The following TAS2R1 variants were observed in gnomAD, a reference collection of about 807,000 sequenced individuals.
TAS2R1 encodes the protein taste 2 receptor member 1, also known as taste receptor type 2 member 1.
For missense variants in TAS2R1, 370 were observed against 353.4 expected, an observed-to-expected ratio of 1.05 and a Z score of -0.38; for synonymous variants, 141 against 134.2, an observed-to-expected ratio of 1.05 and a Z score of -0.35.
chr5:9,788,422 C>T, the TAS2R1 span, among the ~76,000 whole-genome samples: 1 of 152,138 alleles, frequency 6.6e-6, no homozygotes. Context: ...TAATACAGCT[C>T]CCAGCCACCG....
At chr5:9,734,377 C>T in the TAS2R1 span, among the ~76,000 whole-genome samples, 170 of 152,252 alleles carry the variant, frequency 1.1e-3, no homozygotes, top group African/African-American at 3.9e-3. Flanking sequence ...CTCCCTCTCC[C>T]TTTTTTGGGG....
the TAS2R1 span, among the ~76,000 whole-genome samples, chr5:9,747,881 T>C: frequency 6.6e-6 from 1 of 150,734 alleles, no homozygotes; most frequent in South Asian, 2.1e-4. Flanking sequence ...AGGTTGAAAA[T>C]TCAGGTCAGC....
At chr5:9,886,032 T>G in the TAS2R1 span, among the ~76,000 whole-genome samples, 4 of 151,454 alleles carry the variant, frequency 2.6e-5, no homozygotes, top group African/African-American at 9.7e-5. Flanking sequence ...TTTATATAAT[T>G]CTTTTTTTTT....
intron 1 of TAS2R1, among the ~76,000 whole-genome samples, chr5:9,710,111 C>T (rs1741700392): frequency 6.6e-6 from 1 of 152,280 alleles, no homozygotes; most frequent in Non-Finnish European, 1.5e-5. Context: ...TTCCACAGAA[C>T]ACCCAAGGCC....
intron 2 of TAS2R1, among the ~76,000 whole-genome samples, chr5:9,654,139 A>G (rs994687146): frequency 6.6e-6 from 1 of 152,196 alleles, no homozygotes; most frequent in Non-Finnish European, 1.5e-5. Flanking sequence ...TTTTAAAATT[A>G]CTTTCTATAG....
At chr5:9,716,192 G>A (rs370673183), upstream of TAS2R1, among the ~76,000 whole-genome samples, 11 of 152,262 alleles carry the variant, frequency 7.2e-5, no homozygotes, top group Middle Eastern at 3.4e-3. Context: ...AGGAATGTGC[G>A]CTGGGGAGGA....
At chr5:9,678,905 T>C (rs531078135) in intron 1 of TAS2R1, among the ~76,000 whole-genome samples, 5 of 152,158 alleles carry the variant, frequency 3.3e-5, no homozygotes, top group Non-Finnish European at 7.3e-5. Context: ...AACAAACTTG[T>C]ATATCCTGCA....
intron 1 of TAS2R1, among the ~76,000 whole-genome samples, chr5:9,688,135 T>C (rs1422650842): frequency 6.6e-6 from 1 of 152,172 alleles, no homozygotes; most frequent in Non-Finnish European, 1.5e-5. Context: ...ATATTCTAAT[T>C]AGGAATCACT....
chr5:9,734,371 C>T, the TAS2R1 span, among the ~76,000 whole-genome samples: 3 of 152,178 alleles, frequency 2.0e-5, no homozygotes, highest in African/African-American at 7.2e-5. Context: ...ATACAGCTCC[C>T]TCTCCCTTTT....
chr5:9,838,381 G>A, the TAS2R1 span, among the ~76,000 whole-genome samples: 1 of 152,130 alleles, frequency 6.6e-6, no homozygotes, highest in Non-Finnish European at 1.5e-5. Context: ...GAGAATGAAG[G>A]AGCGAATAGA....
At chr5:9,791,161 T>C in the TAS2R1 span, among the ~76,000 whole-genome samples, 3 of 152,296 alleles carry the variant, frequency 2.0e-5, no homozygotes, top group South Asian at 6.2e-4. Context: ...ATTAGTCTTA[T>C]AGCTGTGAAG....
At chr5:9,757,270 T>C in the TAS2R1 span, among the ~76,000 whole-genome samples, 1 of 152,212 alleles carries the variant, frequency 6.6e-6, no homozygotes, top group South Asian at 2.1e-4. Flanking sequence ...TTGACTTTTA[T>C]ATTAGGATAA....
chr5:9,723,310 C>T, the TAS2R1 span, among the ~76,000 whole-genome samples: 2 of 152,150 alleles, frequency 1.3e-5, no homozygotes, highest in African/African-American at 4.8e-5. Context: ...TTATCGTGGG[C>T]TTCTAGTCTT....
chr5:9,655,857 CTT>C (rs201494790), intron 2 of TAS2R1, among the ~76,000 whole-genome samples: 11 of 139,618 alleles, frequency 7.9e-5, no homozygotes, highest in Non-Finnish European at 6.3e-5. Flanking sequence ...GTGGTTTTCT[CTT>C]TTTTTTTTTT....
the TAS2R1 span, among the ~76,000 whole-genome samples, chr5:9,812,735 G>A: frequency 2.0e-5 from 3 of 152,130 alleles, no homozygotes; most frequent in Non-Finnish European, 4.4e-5. Flanking sequence ...GGAATAAACA[G>A]TGACCAAAAC....
In TAS2R1 at chr5:9,628,467, T is replaced by C. The variant is rs988854791; in HGVS notation, c.*666A>G. On this transcript the variant is annotated 3_prime_UTR_variant, in exon 1 of 1. Coordinates refer to ENST00000382492, the MANE Select transcript of TAS2R1 (RefSeq NM_019599.3). ...CCTCCTCCATCTGTCTTCCCCTTTA[T>C]CAGTTGATTGGCCATGTCACCATGG... 2.0e-5 allele frequency among the ~76,000 whole-genome samples: 3 copies of C among 152,200 alleles called. No homozygotes were observed.
rs756577247 is a variant in TAS2R1, at chr5:9,629,522, T to C, written c.511A>G (p.Thr171Ala). 1.1e-5 allele frequency: 18 copies of C among 1,614,010 alleles called. No individual in the cohort carries two copies. Among genetic ancestry groups the C allele is most frequent in the Non-Finnish European group, 1.4e-5 (17 of 1,180,016 alleles). ...AAAGAGAAAATCTGTATAGCCAGTG[T>C]ATCTTCTTTTTGAATTGTGGCATTT... ...SQNATIQKED[T>A]LAIQIFSFVA... Residue 171 changes from threonine (T) to alanine (A), a missense_variant, in exon 1 of 1, where the codon ACA becomes GCA. Thr to Ala is a moderately conservative substitution (Grantham distance 58). Coordinates refer to ENST00000382492, the MANE Select transcript of TAS2R1 (RefSeq NM_019599.3).
At chr5:9,726,314 C>G in the TAS2R1 span, among the ~76,000 whole-genome samples, 1 of 152,178 alleles carries the variant, frequency 6.6e-6, no homozygotes, top group Admixed American at 6.5e-5. Flanking sequence ...ACCTTTGTGT[C>G]TAGCTCAGGG....
chr5:9,899,766 T>C, the TAS2R1 span, among the ~76,000 whole-genome samples: 1 of 152,204 alleles, frequency 6.6e-6, no homozygotes, highest in Non-Finnish European at 1.5e-5. Flanking sequence ...TTCTCCCTGC[T>C]TAATGGTCTA....
Sources: allele counts gnomAD v4.1 joint callset (sites outside exome capture counted in the v4.1 genomes callset), GRCh38; gene constraint gnomAD v4.1.1; transcripts MANE v1.5; gene names NCBI Gene and HGNC (gene_info 2026-07-23, HGNC 2026-07-21).